The following ALPK1 variants were observed in gnomAD, a reference collection of about 807,000 sequenced individuals.
ALPK1 encodes alpha kinase 1, also known as alpha-protein kinase 1.
Under a neutral mutation model 120.6 loss-of-function variants are expected in ALPK1, and 110 were observed. That is an observed-to-expected ratio of 0.91 (90% CI 0.78 to 1.07). ALPK1 has a LOEUF of 1.07. ALPK1 is among the 50% of genes least tolerant of loss of function. The probability of loss-of-function intolerance (pLI) is 0.00; values close to 1 mark genes in which losing one functional copy is unlikely to be tolerated. For synonymous variants in ALPK1, 582 were observed against 560.3 expected (o/e 1.04, Z -0.55); for missense variants, 1,498 against 1,483.9 (o/e 1.01, Z -0.16).
At chr4:112,378,007 T>TAAGAC in intron 3 of ALPK1, 109 bp downstream of exon 3, 1 of 1,135,306 alleles carries the variant, frequency 8.8e-7, no homozygotes, top group African/African-American at 2.0e-5. Context: ...TCTTGGCAGA[T>TAAGAC]GACCACCGAG....
chr4:112,360,974 A>G (rs1317006051), intron 2 of ALPK1, among the ~76,000 whole-genome samples: 1 of 151,942 alleles, frequency 6.6e-6, no homozygotes, highest in African/African-American at 2.4e-5. Flanking sequence ...AGAGATCCTG[A>G]ATATTTTGGT....
chr4:112,420,864 ACT>A (rs1733962599), intron 5 of ALPK1, among the ~76,000 whole-genome samples: 1 of 150,114 alleles, frequency 6.7e-6, no homozygotes, highest in Non-Finnish European at 1.5e-5. Flanking sequence ...AGAGAGAGAG[ACT>A]CTGTCACGCA....
At chr4:112,423,523 G>T (rs528288948) in intron 5 of ALPK1, among the ~76,000 whole-genome samples, 2 of 152,126 alleles carry the variant, frequency 1.3e-5, no homozygotes, top group Admixed American at 6.5e-5. Flanking sequence ...ACTTGAGAAA[G>T]AATCTCCTCA....
intron 2 of ALPK1, among the ~76,000 whole-genome samples, chr4:112,348,201 T>A (rs10021514): frequency 0.054 from 8,167 of 152,252 alleles, 444 homozygotes; most frequent in African/African-American, 0.14. Flanking sequence ...CTGTGCTCAT[T>A]TTCCAAATCA....
chr4:112,374,148 G>A (rs545293239), intron 2 of ALPK1, among the ~76,000 whole-genome samples: 1 of 152,202 alleles, frequency 6.6e-6, no homozygotes, highest in African/African-American at 2.4e-5. Flanking sequence ...AATTGCAGTC[G>A]GTCCTCTTAA....
chr4:112,417,270 G>A (rs1039949425), intron 5 of ALPK1, among the ~76,000 whole-genome samples: 7 of 151,950 alleles, frequency 4.6e-5, no homozygotes, highest in African/African-American at 1.7e-4. Flanking sequence ...ATGAAGAAGT[G>A]GAGAGTAAAA....
At chr4:112,374,128 C>A (rs1269853021) in intron 2 of ALPK1, among the ~76,000 whole-genome samples, 1 of 152,226 alleles carries the variant, frequency 6.6e-6, no homozygotes, top group Admixed American at 6.5e-5. Context: ...CATGGTAGAA[C>A]TTCTTTCAAA....
At chr4:112,408,941 A>C (rs1733323537) in intron 4 of ALPK1, among the ~76,000 whole-genome samples, 1 of 152,204 alleles carries the variant, frequency 6.6e-6, no homozygotes, top group Non-Finnish European at 1.5e-5. Context: ...TATTTTGAAA[A>C]TACATGTGGC....
At chr4:112,408,472 A>AC (rs1191356966) in intron 4 of ALPK1, among the ~76,000 whole-genome samples, 1 of 139,518 alleles carries the variant, frequency 7.2e-6, no homozygotes, top group Non-Finnish European at 1.6e-5. Flanking sequence ...CCAATGACTG[A>AC]CTTTTTTTTT....
At chr4:112,332,545 T>A (rs6820941) in intron 2 of ALPK1, among the ~76,000 whole-genome samples, 1 of 152,030 alleles carries the variant, frequency 6.6e-6, no homozygotes, top group East Asian at 1.9e-4. Flanking sequence ...GGCCATGGTC[T>A]ATGTCCTGTG....
At chr4:112,375,228 G>C (rs543506215) in intron 2 of ALPK1, among the ~76,000 whole-genome samples, 2 of 148,634 alleles carry the variant, frequency 1.3e-5, no homozygotes, top group African/African-American at 5.0e-5. Flanking sequence ...TCACTCAGCC[G>C]GAGTGTAGAG....
intron 6 of ALPK1, chr4:112,425,292 C>CGTATCA: frequency 5.5e-6 from 1 of 182,480 alleles, no homozygotes; most frequent in South Asian, 1.2e-4. Flanking sequence ...CTGTGGAGGC[C>CGTATCA]TTTGAGGAAA....
intron 1 of ALPK1, among the ~76,000 whole-genome samples, chr4:112,300,393 CT>C (rs903483280): frequency 1.3e-5 from 2 of 151,582 alleles, no homozygotes; most frequent in Non-Finnish European, 2.9e-5. Flanking sequence ...ATACTTATAT[CT>C]TTTTTGAGAA....
At chr4:112,418,441 A>G (rs80067860) in intron 5 of ALPK1, among the ~76,000 whole-genome samples, 1 of 152,222 alleles carries the variant, frequency 6.6e-6, no homozygotes, top group South Asian at 2.1e-4. Context: ...CCCTCTGCAC[A>G]ATGAGGAGAC....
intron 2 of ALPK1, among the ~76,000 whole-genome samples, chr4:112,351,292 G>A (rs1730342078): frequency 6.6e-6 from 1 of 152,128 alleles, no homozygotes; most frequent in Non-Finnish European, 1.5e-5. Flanking sequence ...ACAGAGGAGG[G>A]TGGGACACAA....
intron 2 of ALPK1, chr4:112,357,756 C>A: frequency 2.4e-6 from 3 of 1,225,066 alleles, no homozygotes; most frequent in Non-Finnish European, 3.6e-6. Context: ...AGGCTCTGGG[C>A]AACATCGCCC....
At chr4:112,335,420 T>C (rs1729571149) in intron 2 of ALPK1, among the ~76,000 whole-genome samples, 1 of 152,208 alleles carries the variant, frequency 6.6e-6, no homozygotes, top group Non-Finnish European at 1.5e-5. Context: ...AAGGTAGATA[T>C]GAATGCCTTT....
chr4:112,355,977 G>A (rs561559545), intron 2 of ALPK1, among the ~76,000 whole-genome samples: 68 of 152,370 alleles, frequency 4.5e-4, no homozygotes, highest in Non-Finnish European at 7.6e-4. Flanking sequence ...CTGTGCCATA[G>A]GGATTCTAGA....
intron 2 of ALPK1, among the ~76,000 whole-genome samples, chr4:112,326,164 C>T (rs1285118277): frequency 6.6e-6 from 1 of 152,184 alleles, no homozygotes; most frequent in East Asian, 1.9e-4. Context: ...TCCTTCCCAA[C>T]ATCCCATTTT....
Sources: gnomAD v4.1 joint callset for allele counts (sites outside exome capture counted in the v4.1 genomes callset) on GRCh38, gnomAD v4.1.1 for gene constraint, MANE v1.5 for transcripts, NCBI Gene and HGNC (gene_info 2026-07-23, HGNC 2026-07-21) for gene names.